SNX18: variants seen among roughly 807,000 people sequenced by gnomAD.
SNX18 encodes sorting nexin-18.
A neutral mutation model predicts 48.7 loss-of-function variants in SNX18; 35 were observed. The ratio of observed to expected loss-of-function variants is 0.72; its 90% confidence interval spans 0.55 to 0.95. The LOEUF (loss-of-function observed/expected upper bound fraction) is 0.95. Among genes scored for constraint, SNX18 ranks in the 40% least tolerant of loss-of-function variants. The probability of loss-of-function intolerance (pLI) is 0.00; values close to 1 mark genes in which losing one functional copy is unlikely to be tolerated. For synonymous variants in SNX18, 492 were observed against 384.7 expected, an observed-to-expected ratio of 1.28 and a Z score of -3.26; for missense variants, 824 against 871.0, an observed-to-expected ratio of 0.95 and a Z score of 0.68.
At chr5:54,591,710 T>G in the SNX18 span, among the ~76,000 whole-genome samples, 1 of 152,212 alleles carries the variant, frequency 6.6e-6, no homozygotes, top group Non-Finnish European at 1.5e-5. Context: ...GTGACTTGCA[T>G]TGGCATAAGA....
the SNX18 span, among the ~76,000 whole-genome samples, chr5:54,566,075 GA>G: frequency 6.0e-4 from 92 of 152,170 alleles, no homozygotes; most frequent in African/African-American, 2.2e-3. Context: ...CAGAAACCTG[GA>G]TATGGTCTTA....
At chr5:54,574,132 A>G in the SNX18 span, among the ~76,000 whole-genome samples, 1 of 152,202 alleles carries the variant, frequency 6.6e-6, no homozygotes, top group Non-Finnish European at 1.5e-5. Context: ...CGACCAGACA[A>G]CTGGTGTGTG....
the SNX18 span, among the ~76,000 whole-genome samples, chr5:54,567,463 C>T: frequency 1.3e-5 from 2 of 152,072 alleles, no homozygotes; most frequent in African/African-American, 4.8e-5. Flanking sequence ...AGAAGGAGAC[C>T]TGAAACAGGC....
intron 1 of SNX18, chr5:54,520,591 C>CA (rs1183856035): frequency 6.0e-6 from 1 of 166,854 alleles, no homozygotes; most frequent in Non-Finnish European, 1.5e-5. Flanking sequence ...GTGAAGTGCT[C>CA]ACTGCCTTTC....
chr5:54,530,825 C>G (rs555287659), intron 1 of SNX18, among the ~76,000 whole-genome samples: 1 of 139,568 alleles, frequency 7.2e-6, no homozygotes, highest in Non-Finnish European at 1.5e-5. Flanking sequence ...GATCTCGGCT[C>G]ACCATAACCT....
chr5:54,612,660 T>C, the SNX18 span, among the ~76,000 whole-genome samples: 1 of 152,184 alleles, frequency 6.6e-6, no homozygotes, highest in African/African-American at 2.4e-5. Flanking sequence ...CCACTTAATT[T>C]GAAGGCAACA....
intron 1 of SNX18, among the ~76,000 whole-genome samples, chr5:54,528,942 T>C (rs1762199354): frequency 1.3e-5 from 2 of 152,184 alleles, no homozygotes; most frequent in Admixed American, 1.3e-4. Context: ...ATGTCTGTGC[T>C]GCCTAGACAT....
intron 1 of SNX18, among the ~76,000 whole-genome samples, chr5:54,530,760 T>A (rs1021650580): frequency 1.2e-4 from 17 of 137,508 alleles, no homozygotes; most frequent in African/African-American, 4.7e-4. Flanking sequence ...TTTTTTTTTT[T>A]TTTTTTTTTT....
Position 54,518,968 on chromosome 5 carries a change from AGGCCACC to A in SNX18, c.1021_1027del (p.Thr341AlafsTer14). The A allele has an allele frequency of 6.2e-7, 1 of 1,613,684 alleles. No homozygotes were observed. The highest frequency in any genetic ancestry group is 8.5e-7 in the Non-Finnish European group (1 of 1,179,990). The stretch of plus-strand genomic sequence containing the variant: ...TCCGTGCCCCACCTGCCCGAGAAGC[AGGCCACC>A]GGCCGCTTCGAGGAGGACTTCATCT... On this transcript the variant is annotated frameshift_variant, in exon 1 of 2. Transcript: ENST00000381410. LOFTEE classifies it high-confidence loss of function.
the SNX18 span, among the ~76,000 whole-genome samples, chr5:54,593,238 C>T: frequency 6.6e-6 from 1 of 152,158 alleles, no homozygotes; most frequent in East Asian, 1.9e-4. Context: ...TACATTAAAT[C>T]ATTAATATAT....
At chr5:54,557,606 C>T in the SNX18 span, among the ~76,000 whole-genome samples, 9 of 152,096 alleles carry the variant, frequency 5.9e-5, no homozygotes, top group Non-Finnish European at 1.0e-4. Flanking sequence ...ATGGTGGTTG[C>T]CCCAGGCTGG....
the SNX18 span, among the ~76,000 whole-genome samples, chr5:54,640,317 G>A: frequency 2.3e-4 from 35 of 151,692 alleles, no homozygotes; most frequent in East Asian, 9.7e-4. Context: ...AGGCTCAAGC[G>A]ACTTTCCTGC....
At chr5:54,611,637 T>C in the SNX18 span, among the ~76,000 whole-genome samples, 1 of 152,168 alleles carries the variant, frequency 6.6e-6, no homozygotes, top group Non-Finnish European at 1.5e-5. Context: ...TTGCCTGGAA[T>C]GGTAACCCCA....
chr5:54,616,967 A>G, the SNX18 span, among the ~76,000 whole-genome samples: 1 of 152,156 alleles, frequency 6.6e-6, no homozygotes, highest in Non-Finnish European at 1.5e-5. Flanking sequence ...GGCCCCTGCA[A>G]TCACATCAAG....
At chr5:54,614,468 T>C in the SNX18 span, among the ~76,000 whole-genome samples, 2 of 152,178 alleles carry the variant, frequency 1.3e-5, no homozygotes, top group African/African-American at 4.8e-5. Context: ...ACTTGTATAA[T>C]ATACATGTTC....
chr5:54,568,574 G>T, the SNX18 span, among the ~76,000 whole-genome samples: 8 of 152,120 alleles, frequency 5.3e-5, no homozygotes, highest in Non-Finnish European at 7.3e-5. Context: ...TCGAGCTCTG[G>T]CCTGGCCACC....
At chr5:54,529,160 G>A (rs1477777330) in intron 1 of SNX18, among the ~76,000 whole-genome samples, 1 of 152,154 alleles carries the variant, frequency 6.6e-6, no homozygotes, top group African/African-American at 2.4e-5. Context: ...CAGACAAGAC[G>A]TGATAACATC....
the SNX18 span, among the ~76,000 whole-genome samples, chr5:54,611,507 C>T: frequency 2.0e-5 from 3 of 152,146 alleles, no homozygotes; most frequent in Non-Finnish European, 2.9e-5. Context: ...CTCCTGCTGA[C>T]TAATGGTGTC....
In SNX18 at chr5:54,519,272, CAG is replaced by C; in HGVS notation, c.1321_1322del (p.Ser441ArgfsTer38). ...FKCFTKKMDDSALQLNHTANE... is the reference protein window; with the variant it reads ...FKCFTKKMDDXALQLNHTANE... Reference sequence around the variant, plus strand: ...AGTGCTTCACCAAGAAGATGGACGACAGCGCGCTGCAGCTCAACCACACGGCC... The same window carrying C: ...AGTGCTTCACCAAGAAGATGGACGACCGCGCTGCAGCTCAACCACACGGCC... On this transcript the variant is annotated frameshift_variant, in exon 1 of 2. Transcript: ENST00000381410. LOFTEE classifies it high-confidence loss of function. 1 of 1,614,100 alleles carries C rather than the reference CAG, an allele frequency of 6.2e-7. No individual in the cohort carries two copies. The highest frequency in any genetic ancestry group is 8.5e-7 in the Non-Finnish European group (1 of 1,179,994).
Sources: gnomAD v4.1 joint callset for allele counts (sites outside exome capture counted in the v4.1 genomes callset) on GRCh38, gnomAD v4.1.1 for gene constraint, MANE v1.5 for transcripts, NCBI Gene and HGNC (gene_info 2026-07-23, HGNC 2026-07-21) for gene names.